Variants in FRY observed in about 807,000 individuals in gnomAD.
FRY encodes the protein FRY microtubule binding protein.
A neutral mutation model predicts 348.4 loss-of-function variants in FRY; 128 were observed. The observed-to-expected ratio is 0.37, with a 90% CI of 0.32 to 0.43. The LOEUF (loss-of-function observed/expected upper bound fraction) is 0.43, where lower values mean the gene tolerates loss of function less well. FRY is among the 20% of genes least tolerant of loss of function. The pLI, the probability that FRY is intolerant of heterozygous loss-of-function variation, is 1.00. For synonymous variants in FRY, 1,370 were observed against 1,374.7 expected, an observed-to-expected ratio of 1.00 and a Z score of 0.08; for missense variants, 2,736 against 3,695.2, an observed-to-expected ratio of 0.74 and a Z score of 6.73.
chr13:32,171,047 T>A lies in FRY; in HGVS notation c.1928T>A (p.Ile643Asn). Residue 643 changes from isoleucine to asparagine, a missense_variant, in exon 18 of 61, where the codon ATT (isoleucine) becomes AAT (asparagine). Transcript: ENST00000542859. ...SIHMDDELRH[I>N]AQNSLQGLLV... ...CATATGGATGATGAATTGCGACATA[T>A]TGCACAAAATTCTCTTCAGGGTTTA... is the stretch of plus-strand genomic sequence containing the variant. The A allele has an allele frequency of 6.2e-7, 1 of 1,610,744 alleles. No individual in the cohort carries two copies. The highest frequency in any genetic ancestry group is 8.5e-7 in the Non-Finnish European group (1 of 1,176,940).
At chr13:32,084,861 G>A (rs1398945571) in intron 2 of FRY, among the ~76,000 whole-genome samples, 2 of 150,122 alleles carry the variant, frequency 1.3e-5, no homozygotes, top group Non-Finnish European at 3.0e-5. Flanking sequence ...ATCTGTGTGG[G>A]ATGCATCTTG....
At chr13:32,210,381 A>G (rs1208178215) in intron 33 of FRY, among the ~76,000 whole-genome samples, 3 of 152,224 alleles carry the variant, frequency 2.0e-5, no homozygotes, top group African/African-American at 7.2e-5. Context: ...AGGTTGGACT[A>G]TGAGGCCTGC....
chr13:32,178,891 A>G lies in FRY; in HGVS notation c.2729A>G (p.Asn910Ser). The G allele has an allele frequency of 1.9e-6, 3 of 1,613,804 alleles. No individual in the cohort carries two copies. Among genetic ancestry groups the G allele is most frequent in the Non-Finnish European group, 2.5e-6 (3 of 1,179,730 alleles). ...ACCAGCACTGCCGGCAGCGGAGACA[A>G]CTATGTTACTTTGTGGAGAAATTAC... ...KKTSTAGSGD[N>S]YVTLWRNYLI... Residue 910 changes from asparagine to serine, a missense_variant, in exon 22 of 61, where the codon AAC becomes AGC. Physicochemically the swap from Asn to Ser is conservative, Grantham distance 46 (BLOSUM62 1). Around this residue, in one of 9 missense-constraint regions of FRY, gnomAD observed 449 missense variants for 576.9 expected, o/e 0.78. Coordinates refer to ENST00000542859, the MANE Select transcript of FRY (RefSeq NM_023037.3).
At chr13:32,202,328 A>T (rs1050986348) in intron 30 of FRY, 28 bp from the exon 31 acceptor site, 1 of 1,570,456 alleles carries the variant, frequency 6.4e-7, no homozygotes, top group African/African-American at 1.4e-5. Context: ...TTTTCATACT[A>T]CTTTTTTACT....
intron 28 of FRY, among the ~76,000 whole-genome samples, chr13:32,192,043 T>C (rs1287414954): frequency 6.6e-6 from 1 of 152,108 alleles, no homozygotes; most frequent in Non-Finnish European, 1.5e-5. Context: ...TGGTTTCTCC[T>C]GGGTAGGAAA....
rs187291428 is a variant in FRY at position 32,039,505 on chromosome 13, C to T, written c.70+7640C>T. ...TCTCTCTCCCACCTCCCCCCCCATACGTGTGTGAGAGAGAAAATAAATTAT... is the reference window on the plus strand; with the variant it reads ...TCTCTCTCCCACCTCCCCCCCCATATGTGTGTGAGAGAGAAAATAAATTAT... On this transcript the variant is annotated intron_variant, in intron 1 of 60. Coordinates refer to ENST00000542859, the MANE Select transcript of FRY (RefSeq NM_023037.3). 3.0e-3 allele frequency among the ~76,000 whole-genome samples: 460 copies of T among 151,742 alleles called. 2 individuals carry two copies. The highest frequency in any genetic ancestry group is 4.1e-3 in the Non-Finnish European group (280 of 67,938).
chr13:32,228,919 T>A (rs1885760859), intron 40 of FRY, among the ~76,000 whole-genome samples: 1 of 152,234 alleles, frequency 6.6e-6, no homozygotes, highest in African/African-American at 2.4e-5. Context: ...ATAATGATGA[T>A]GCAGCAGATG....
chr13:32,197,135 A>G lies in FRY; in HGVS notation c.3746+2838A>G, dbSNP rs1883721487. Reference sequence around the variant, plus strand: ...CACACTTTTAAAACGTGTTTAATAGATATTTTAGAATTGTATGTAAGAACA... The same window carrying G: ...CACACTTTTAAAACGTGTTTAATAGGTATTTTAGAATTGTATGTAAGAACA... On this transcript the variant is annotated intron_variant, in intron 29 of 60. Coordinates refer to ENST00000542859, the MANE Select transcript of FRY (RefSeq NM_023037.3). Among the ~76,000 whole-genome samples the G allele has an allele frequency of 1.3e-5, 2 of 152,078 alleles. 1 individual carries two copies. Among genetic ancestry groups the G allele is most frequent in the South Asian group, 4.1e-4 (2 of 4,824 alleles).
chr13:32,184,122 T>A (rs1432521894), intron 24 of FRY, among the ~76,000 whole-genome samples: 5 of 152,038 alleles, frequency 3.3e-5, no homozygotes, highest in Non-Finnish European at 7.4e-5. Flanking sequence ...GAGGTTATAG[T>A]AAGCCAAGAT....
intron 2 of FRY, among the ~76,000 whole-genome samples, chr13:32,090,404 A>G (rs1418190054): frequency 6.6e-6 from 1 of 151,248 alleles, no homozygotes; most frequent in African/African-American, 2.4e-5. Flanking sequence ...ATGTGTGGTC[A>G]AGGAAGGCAC....
chr13:32,278,413 G>C, intron 57 of FRY, 52 bp from the exon 58 acceptor site: 1 of 936,734 alleles, frequency 1.1e-6, no homozygotes, highest in South Asian at 1.3e-5. Context: ...TACCAAAAAT[G>C]TTCTCAGAAC....
At chr13:32,117,049 A>C (rs767224110) in intron 3 of FRY, among the ~76,000 whole-genome samples, 5 of 152,222 alleles carry the variant, frequency 3.3e-5, no homozygotes, top group Non-Finnish European at 5.9e-5. Context: ...ATATCTTTGC[A>C]GTTCCATGAA....
intron 8 of FRY, among the ~76,000 whole-genome samples, chr13:32,132,153 T>C (rs1879408092): frequency 6.6e-6 from 1 of 151,990 alleles, no homozygotes; most frequent in African/African-American, 2.4e-5. Context: ...TTAAAATTGA[T>C]AGCATTGGGT....
At chr13:32,200,082 A>G (rs897984570) in intron 29 of FRY, among the ~76,000 whole-genome samples, 1 of 152,112 alleles carries the variant, frequency 6.6e-6, no homozygotes, top group Non-Finnish European at 1.5e-5. Context: ...TTATAAAGCT[A>G]CTGGCCCCAC....
At chr13:32,291,200 A>T (rs1336750440) in intron 59 of FRY, among the ~76,000 whole-genome samples, 1 of 152,098 alleles carries the variant, frequency 6.6e-6, no homozygotes, top group Non-Finnish European at 1.5e-5. Flanking sequence ...ACAAACTACA[A>T]CCATTTTACC....
chr13:32,119,738 C>T (rs1878532654), intron 4 of FRY, among the ~76,000 whole-genome samples: 1 of 152,104 alleles, frequency 6.6e-6, no homozygotes, highest in Admixed American at 6.6e-5. Flanking sequence ...ATTTTCCTTT[C>T]CCCCAGCTCG....
rs998461332 is a variant in FRY at position 32,280,471 on chromosome 13, T to G, written c.8469+1923T>G. On this transcript the variant is annotated intron_variant, in intron 58 of 60. Transcript: ENST00000542859. ...TAAAAAATGAAGTATTACCTAGGTT[T>G]CAGATTTTATGGCCACCCAGTAGTA... 9.2e-5 allele frequency among the ~76,000 whole-genome samples: 14 copies of G among 152,352 alleles called. No individual in the cohort carries two copies. In the East Asian group the frequency reaches 2.5e-3, roughly 27 times the overall value.
chr13:32,085,505 G>C (rs1010314970), intron 2 of FRY, among the ~76,000 whole-genome samples: 1 of 152,142 alleles, frequency 6.6e-6, no homozygotes, highest in Non-Finnish European at 1.5e-5. Context: ...CTTTAGTGTT[G>C]TGTGACCTTG....
At chr13:32,045,099 G>A (rs1872954064) in intron 1 of FRY, among the ~76,000 whole-genome samples, 1 of 152,082 alleles carries the variant, frequency 6.6e-6, no homozygotes, top group Non-Finnish European at 1.5e-5. Flanking sequence ...CTCCAAAATA[G>A]GATATTTTCT....
Sources: allele counts gnomAD v4.1 joint callset (sites outside exome capture counted in the v4.1 genomes callset), GRCh38; gene constraint gnomAD v4.1.1; regional missense constraint gnomAD v4.1.1; transcripts MANE v1.5; gene names NCBI Gene and HGNC (gene_info 2026-07-23, HGNC 2026-07-21).